STAG1: variants seen among roughly 807,000 people sequenced by gnomAD.
STAG1 encodes STAG1 cohesin complex component.
In STAG1, 26 loss-of-function variants were observed where a neutral mutation model predicts 170.9. The observed-to-expected ratio is 0.15, with a 90% CI of 0.11 to 0.21. The LOEUF (loss-of-function observed/expected upper bound fraction) is 0.21. STAG1 is among the 10% of genes least tolerant of loss of function. The probability of loss-of-function intolerance (pLI) is 1.00; values close to 1 mark genes in which losing one functional copy is unlikely to be tolerated. For synonymous variants in STAG1, 514 were observed against 497.7 expected, an observed-to-expected ratio of 1.03 and a Z score of -0.44; for missense variants, 964 against 1,509.5, an observed-to-expected ratio of 0.64 and a Z score of 5.99.
At chr3:136,690,289 T>G (rs1942679640) in intron 1 of STAG1, among the ~76,000 whole-genome samples, 1 of 152,154 alleles carries the variant, frequency 6.6e-6, no homozygotes, top group Admixed American at 6.5e-5. Context: ...CAGGCTGGAG[T>G]GCAGTGGCAC....
At chr3:136,345,055 A>G (rs1459440360) in intron 29 of STAG1, among the ~76,000 whole-genome samples, 1 of 151,996 alleles carries the variant, frequency 6.6e-6, no homozygotes, top group Non-Finnish European at 1.5e-5. Flanking sequence ...GGGGCTACGA[A>G]CTGTTTTTCT....
At position 136,464,900 on chromosome 3, in the gene STAG1, C is replaced by T. The variant is rs775110469; in HGVS notation, c.1294G>A (p.Gly432Arg). 6.2e-7 allele frequency: 1 copy of T among 1,612,048 alleles called. No homozygotes were observed. The highest frequency in any genetic ancestry group is 8.5e-7 in the Non-Finnish European group (1 of 1,179,206). ...GCTCACTTTTTGTGAAGGAACTCTC[C>T]AGCTGCCACAGCAACAGGGCGATGT... ...SAHRPVAVAA[G>R]EFLHKKLFSR... The change falls in exon 13 of 34, where the codon GGA becomes AGA. Residue 432 changes from glycine (G) to arginine (R), a missense_variant. Transcript: ENST00000383202.
At chr3:136,668,845 C>T (rs1941895515) in intron 1 of STAG1, among the ~76,000 whole-genome samples, 1 of 152,170 alleles carries the variant, frequency 6.6e-6, no homozygotes, top group Non-Finnish European at 1.5e-5. Flanking sequence ...AGACTTCCTT[C>T]AAGGGAGATC....
intron 21 of STAG1, among the ~76,000 whole-genome samples, chr3:136,410,418 G>A (rs548115756): frequency 6.6e-6 from 1 of 151,794 alleles, no homozygotes. Flanking sequence ...TAAAAAGTTT[G>A]CCCTAAGACC....
chr3:136,427,524 T>C (rs2088167224), intron 16 of STAG1, among the ~76,000 whole-genome samples: 1 of 152,150 alleles, frequency 6.6e-6, no homozygotes, highest in Admixed American at 6.6e-5. Flanking sequence ...CTAGTGATGC[T>C]GGAAGTGTTC....
chr3:136,750,177 C>T (rs577195575), intron 1 of STAG1, among the ~76,000 whole-genome samples: 2 of 152,108 alleles, frequency 1.3e-5, no homozygotes, highest in Admixed American at 1.3e-4. Context: ...AGATACTATC[C>T]CCATTTTATT....
At chr3:136,538,874 C>T (rs997593808) in intron 6 of STAG1, among the ~76,000 whole-genome samples, 2 of 152,152 alleles carry the variant, frequency 1.3e-5, no homozygotes, top group African/African-American at 4.8e-5. Context: ...GGTGCTCACG[C>T]CTGTAATCCC....
chr3:136,382,694 A>G (rs571680575), intron 22 of STAG1, among the ~76,000 whole-genome samples: 1 of 152,266 alleles, frequency 6.6e-6, no homozygotes, highest in South Asian at 2.1e-4. Context: ...TAGAGGCATG[A>G]GCCACCACGC....
At chr3:136,440,851 T>C (rs1383851606) in intron 15 of STAG1, among the ~76,000 whole-genome samples, 1 of 151,778 alleles carries the variant, frequency 6.6e-6, no homozygotes, top group Non-Finnish European at 1.5e-5. Flanking sequence ...AAATTAGGCA[T>C]GGTGGTGCAC....
At chr3:136,447,413 G>A (rs911948966) in intron 14 of STAG1, among the ~76,000 whole-genome samples, 4 of 151,790 alleles carry the variant, frequency 2.6e-5, no homozygotes, top group Non-Finnish European at 5.9e-5. Context: ...AGGGTGCAGT[G>A]AGCTAAGATT....
intron 22 of STAG1, among the ~76,000 whole-genome samples, chr3:136,384,006 C>T (rs1436684899): frequency 6.8e-6 from 1 of 147,910 alleles, no homozygotes; most frequent in Non-Finnish European, 1.5e-5. Flanking sequence ...TGTTAAGCAA[C>T]AGGCCCAAAG....
chr3:136,467,914 G>C (rs9849696), intron 12 of STAG1, among the ~76,000 whole-genome samples: 7,147 of 152,236 alleles, frequency 0.047, 208 homozygotes, highest in East Asian at 0.13. Flanking sequence ...TGACTAATGG[G>C]TACATAACGA....
At position 136,605,050 on chromosome 3, in the gene STAG1, T is replaced by C. The variant is rs1012976280; in HGVS notation, c.133-577A>G. Among the ~76,000 whole-genome samples the C allele has an allele frequency of 2.9e-4, 44 of 152,338 alleles. 1 individual carries two copies. The highest frequency in any genetic ancestry group is 1.0e-3 in the African/African-American group (43 of 41,580). On this transcript the variant is annotated intron_variant, in intron 3 of 33. Transcript: ENST00000383202. ...GACATTTCCTTCTGCATACATTCAT[T>C]GATACTCTCCTACTTCCTCAGAAAT...
intron 1 of STAG1, among the ~76,000 whole-genome samples, chr3:136,681,184 C>A (rs945454258): frequency 1.3e-5 from 2 of 151,940 alleles, no homozygotes; most frequent in African/African-American, 2.4e-5. Context: ...AACCCATGTA[C>A]GAAGTTATGT....
In STAG1 at chr3:136,620,153, T is replaced by C. The variant is rs540251810; in HGVS notation, c.132+2993A>G. Among the ~76,000 whole-genome samples the C allele has an allele frequency of 1.6e-4, 24 of 152,316 alleles. 1 individual carries two copies. The South Asian group carries it at 3.7e-3, about 24-fold the overall frequency. Reference sequence around the variant, plus strand: ...CTATAATAGAAACTCCTTATATTATTTGTTTTTGACTGGCTAAATGAAAAC... The same window carrying C: ...CTATAATAGAAACTCCTTATATTATCTGTTTTTGACTGGCTAAATGAAAAC... On this transcript the variant is annotated intron_variant, in intron 3 of 33. Coordinates refer to ENST00000383202, the MANE Select transcript of STAG1 (RefSeq NM_005862.3).
chr3:136,523,508 C>A (rs554063149), intron 6 of STAG1, among the ~76,000 whole-genome samples: 1 of 151,586 alleles, frequency 6.6e-6, no homozygotes, highest in South Asian at 2.1e-4. Flanking sequence ...TTCTCCCATT[C>A]TGTAGGTTGC....
At chr3:136,487,785 T>C (rs1025350501) in intron 9 of STAG1, among the ~76,000 whole-genome samples, 2 of 152,240 alleles carry the variant, frequency 1.3e-5, no homozygotes, top group African/African-American at 2.4e-5. Flanking sequence ...CTACGTAAAG[T>C]ATCTCTGATG....
intron 8 of STAG1, among the ~76,000 whole-genome samples, chr3:136,500,929 A>G (rs1933431804): frequency 6.6e-6 from 1 of 152,228 alleles, no homozygotes; most frequent in Non-Finnish European, 1.5e-5. Flanking sequence ...CAACAACAGC[A>G]CTGAATTACA....
intron 1 of STAG1, among the ~76,000 whole-genome samples, chr3:136,656,260 CT>C (rs1055802048): frequency 1.3e-5 from 2 of 151,726 alleles, no homozygotes; most frequent in Non-Finnish European, 2.9e-5. Flanking sequence ...TGGTAGTTGC[CT>C]GAAGCTGGGG....
Sources: allele counts gnomAD v4.1 joint callset (sites outside exome capture counted in the v4.1 genomes callset), GRCh38; gene constraint gnomAD v4.1.1; transcripts MANE v1.5; gene names NCBI Gene and HGNC (gene_info 2026-07-23, HGNC 2026-07-21).